IL6ST: variants seen among roughly 807,000 people sequenced by gnomAD.
IL6ST encodes the protein interleukin 6 cytokine family signal transducer.
Under a neutral mutation model 91.3 loss-of-function variants are expected in IL6ST, and 24 were observed. The ratio of observed to expected loss-of-function variants is 0.26; its 90% CI spans 0.19 to 0.37. The LOEUF (loss-of-function observed/expected upper bound fraction) is 0.37, where lower values mean the gene tolerates loss of function less well. IL6ST is among the 10% of genes least tolerant of loss of function. IL6ST has a pLI of 1.00. For missense variants in IL6ST, 914 were observed against 1,078.5 expected (o/e 0.85, Z 2.14); for synonymous variants, 351 against 373.6 (o/e 0.94, Z 0.70).
At chr5:55,965,370 A>G (rs1049346904) in intron 5 of IL6ST, among the ~76,000 whole-genome samples, 1 of 152,162 alleles carries the variant, frequency 6.6e-6, no homozygotes, top group Non-Finnish European at 1.5e-5. Context: ...AGGTAAATAT[A>G]ATTATGTAAA....
intron 5 of IL6ST, among the ~76,000 whole-genome samples, chr5:55,967,493 TA>T (rs35693103): frequency 0.21 from 31,249 of 146,118 alleles, 4,902 homozygotes; most frequent in African/African-American, 0.45. Context: ...GAAACAAATG[TA>T]AAAAAAATTA....
chr5:55,957,218 G>A lies in IL6ST; in HGVS notation c.1047C>T (p.Leu349=), dbSNP rs149109255. ...SHTQGYRTVQ[L]VWKTLPPFEA... ...AAATGTGATTTTTTACCTTCCACAC[G>A]AGTTGTACAGTTCTGTAGCCTTGAG... is the stretch of plus-strand genomic sequence containing the variant. The change falls in exon 9 of 17, where the codon CTC becomes CTT. Residue 349 remains leucine, a synonymous_variant. Transcript: ENST00000381298. 1.4e-4 allele frequency: 203 copies of A among 1,493,872 alleles called. 1 individual carries two copies. The highest frequency in any genetic ancestry group is 5.2e-4 in the Admixed American group (24 of 46,394). The allele number at this position is 1,493,872 out of a possible 1,614,324, so 92.5% of individuals were successfully genotyped here. A position where few individuals can be genotyped will look rare whatever the true frequency, so the allele number is the denominator to read the frequency against.
At chr5:55,944,921 A>G (rs1326590989) in intron 15 of IL6ST, among the ~76,000 whole-genome samples, 2 of 151,720 alleles carry the variant, frequency 1.3e-5, no homozygotes, top group Non-Finnish European at 2.9e-5. Flanking sequence ...CAAAATGCCC[A>G]TGTTGGTCCT....
Position 55,968,321 on chromosome 5 carries a change from C to G in IL6ST, c.446G>C (p.Gly149Ala), listed in dbSNP as rs745744319. ...GTTTGTCTCCAAGTGTGTTTCCCTT[C>G]CACCATCCCACTCACACCTCATTTT... is the stretch of plus-strand genomic sequence containing the variant. Reference protein sequence around the residue: ...GKKMRCEWDGGRETHLETNFT... With the variant: ...GKKMRCEWDGARETHLETNFT... Residue 149 changes from glycine (G) to alanine (A), a missense_variant, in exon 5 of 17, where the codon GGA (glycine) becomes GCA (alanine). Gly to Ala is a moderately conservative substitution (Grantham distance 60, BLOSUM62 0). Transcript: ENST00000381298. 6.2e-7 allele frequency: 1 copy of G among 1,602,144 alleles called. No individual in the cohort carries two copies. Among genetic ancestry groups the G allele is most frequent in the Non-Finnish European group, 8.5e-7 (1 of 1,176,328 alleles).
chr5:55,987,860 T>C (rs745814310), intron 1 of IL6ST, among the ~76,000 whole-genome samples: 3 of 152,160 alleles, frequency 2.0e-5, no homozygotes, highest in Non-Finnish European at 2.9e-5. Context: ...AGGCCAGGCA[T>C]GGTGGCTTAC....
rs1408430325 is a variant in IL6ST, at chr5:55,969,727, T to C, written c.193A>G (p.Ile65Val). ...GTAAAATGGTTTGTTTTCCAGACAATGTAATTAGCATTTACATGAAAATAA... is the reference window on the plus strand; with the variant it reads ...GTAAAATGGTTTGTTTTCCAGACAACGTAATTAGCATTTACATGAAAATAA... ...MDYFHVNANYIVWKTNHFTIP... is the reference protein window; with the variant it reads ...MDYFHVNANYVVWKTNHFTIP... Residue 65 changes from isoleucine (I) to valine (V), a missense_variant, in exon 4 of 17, where the codon ATT becomes GTT. Transcript: ENST00000381298. 9.3e-6 allele frequency: 15 copies of C among 1,612,272 alleles called. No individual in the cohort carries two copies. Among genetic ancestry groups the C allele is most frequent in the Non-Finnish European group, 1.3e-5 (15 of 1,178,524 alleles).
chr5:55,962,971 A>T (rs1752410723), intron 7 of IL6ST, among the ~76,000 whole-genome samples: 1 of 152,048 alleles, frequency 6.6e-6, no homozygotes, highest in Non-Finnish European at 1.5e-5. Flanking sequence ...TAATAATTTT[A>T]AAAAGCCAGG....
Position 55,941,049 on chromosome 5 carries a change from A to C in IL6ST, c.*33T>G, listed in dbSNP as rs1389214444. On this transcript the variant is annotated 3_prime_UTR_variant, in exon 17 of 17. Transcript: ENST00000381298. ...ATCATTTTAGCTTTACTTTATAGGT[A>C]CTGCTGAAGTTGTAGCAGGAACTAC... 3 of 1,554,118 alleles carry C rather than the reference A, an allele frequency of 1.9e-6. No individual in the cohort carries two copies. The South Asian group carries it at 3.7e-5, about 19-fold the overall frequency.
At chr5:55,966,932 C>T (rs770557506) in intron 5 of IL6ST, among the ~76,000 whole-genome samples, 28 of 148,778 alleles carry the variant, frequency 1.9e-4, no homozygotes, top group African/African-American at 6.5e-4. Flanking sequence ...ACACATCACT[C>T]CTACAAAATA....
At chr5:55,987,087 C>A (rs1184137805) in intron 1 of IL6ST, among the ~76,000 whole-genome samples, 1 of 152,172 alleles carries the variant, frequency 6.6e-6, no homozygotes, top group African/African-American at 2.4e-5. Context: ...ACTGCTTGAG[C>A]CTTGGAGGTC....
At chr5:55,963,223 A>C in intron 7 of IL6ST, 129 bp downstream of exon 7, 1 of 640,482 alleles carries the variant, frequency 1.6e-6, no homozygotes, top group Admixed American at 2.9e-5. Context: ...ATAACAACCC[A>C]GAAGAGGTTA....
chr5:55,986,109 T>TA (rs1753951626), intron 1 of IL6ST, among the ~76,000 whole-genome samples: 1 of 152,260 alleles, frequency 6.6e-6, no homozygotes, highest in African/African-American at 2.4e-5. Context: ...GGTAGAGTGT[T>TA]ACATAAATGG....
At chr5:55,948,451 T>C (rs1448687691) in intron 14 of IL6ST, among the ~76,000 whole-genome samples, 1 of 152,070 alleles carries the variant, frequency 6.6e-6, no homozygotes, top group Non-Finnish European at 1.5e-5. Context: ...TAACATCCTA[T>C]GAAGCTCAGT....
In IL6ST at chr5:55,941,582, T is replaced by C; in HGVS notation, c.2257A>G (p.Thr753Ala). Residue 753 changes from threonine (T) to alanine (A), a missense_variant, in exon 17 of 17, where the codon ACT becomes GCT. Thr to Ala is a moderately conservative substitution (Grantham distance 58). Transcript: ENST00000381298. Reference protein sequence around the residue: ...SSDENESSQNTSSTVQYSTVV... With the variant: ...SSDENESSQNASSTVQYSTVV... ...GTAGAATACTGGACAGTGCTCGAAGTGTTTTGTGAAGATTCATTTTCATCA... is the reference window on the plus strand; with the variant it reads ...GTAGAATACTGGACAGTGCTCGAAGCGTTTTGTGAAGATTCATTTTCATCA... 6.2e-7 allele frequency: 1 copy of C among 1,614,196 alleles called. No homozygotes were observed. The highest frequency in any genetic ancestry group is 8.5e-7 in the Non-Finnish European group (1 of 1,180,016).
At chr5:55,969,459 TTAC>T (rs1340521107) in intron 4 of IL6ST, 88 bp downstream of exon 4, 11 of 861,602 alleles carry the variant, frequency 1.3e-5, no homozygotes, top group Non-Finnish European at 1.8e-5. Context: ...AGTCCACAAG[TTAC>T]TACATTTTAT....
intron 14 of IL6ST, chr5:55,950,073 C>T (rs1751528376): frequency 8.0e-6 from 3 of 376,812 alleles, no homozygotes; most frequent in Non-Finnish European, 1.6e-5. Context: ...TACGCACAAT[C>T]AACAGGACTT....
chr5:55,954,439 A>G (rs1294252263), intron 11 of IL6ST, among the ~76,000 whole-genome samples: 3 of 152,232 alleles, frequency 2.0e-5, no homozygotes, highest in Non-Finnish European at 2.9e-5. Flanking sequence ...AAGACATTAC[A>G]CAAGTCATCC....
intron 1 of IL6ST, chr5:55,994,256 C>T (rs1376349218): frequency 6.6e-6 from 1 of 151,248 alleles, no homozygotes; most frequent in African/African-American, 2.4e-5. Flanking sequence ...ATGTGGAATT[C>T]GTTAGGAATG....
At chr5:55,975,924 ACTT>A (rs1416019875) in intron 3 of IL6ST, among the ~76,000 whole-genome samples, 1 of 151,148 alleles carries the variant, frequency 6.6e-6, no homozygotes, top group Non-Finnish European at 1.5e-5. Context: ...AAACCCACAC[ACTT>A]CTTTCCTTCC....
Sources: gnomAD v4.1 joint callset for allele counts (sites outside exome capture counted in the v4.1 genomes callset) on GRCh38, gnomAD v4.1.1 for gene constraint, MANE v1.5 for transcripts, NCBI Gene and HGNC (gene_info 2026-07-23, HGNC 2026-07-21) for gene names.